The following FNBP1L variants were observed in gnomAD, a reference collection of about 807,000 sequenced individuals.
FNBP1L encodes the protein formin-binding protein 1-like.
FNBP1L carries 36 observed loss-of-function variants against 91.2 expected under a neutral mutation model. The ratio of observed to expected loss-of-function variants is 0.39; its 90% CI spans 0.30 to 0.52. The LOEUF is 0.52. FNBP1L is among the 20% of genes least tolerant of loss of function. FNBP1L has a pLI of 0.66. For missense variants in FNBP1L, 571 were observed against 732.1 expected (o/e 0.78, Z 2.54); for synonymous variants, 242 against 237.0 (o/e 1.02, Z -0.19).
intron 12 of FNBP1L, among the ~76,000 whole-genome samples, chr1:93,545,657 G>A (rs1003205834): frequency 6.6e-6 from 1 of 152,076 alleles, no homozygotes; most frequent in Non-Finnish European, 1.5e-5. Flanking sequence ...AAAACTGTAT[G>A]AAGAGTAAAT....
intron 1 of FNBP1L, among the ~76,000 whole-genome samples, chr1:93,493,153 A>G (rs1670152481): frequency 6.6e-6 from 1 of 152,144 alleles, no homozygotes; most frequent in Non-Finnish European, 1.5e-5. Context: ...AGTCCCAGCT[A>G]CTTGAGAAGC....
chr1:93,484,532 C>T (rs1286733654), intron 1 of FNBP1L, among the ~76,000 whole-genome samples: 1 of 152,026 alleles, frequency 6.6e-6, no homozygotes, highest in African/African-American at 2.4e-5. Flanking sequence ...TTCTTGAATC[C>T]CCTGTTCGCT....
intron 1 of FNBP1L, among the ~76,000 whole-genome samples, chr1:93,459,975 GTGTT>G (rs367576159): frequency 0.08 from 12,082 of 150,734 alleles, 677 homozygotes; most frequent in South Asian, 0.19. Flanking sequence ...GTGTGTGTGT[GTGTT>G]TTTGGGATAT....
chr1:93,509,950 C>T lies in FNBP1L; in HGVS notation c.140+10367C>T, dbSNP rs556303293. ...AGGAGATTATATCCCGCACATGGCT[C>T]GGAGGGTCCTACGCCCACGGAGTCT... On this transcript the variant is annotated intron_variant, in intron 2 of 16. Coordinates refer to ENST00000271234, the MANE Select transcript of FNBP1L (RefSeq NM_001164473.3). Among the ~76,000 whole-genome samples, 121 of 152,320 alleles carry T rather than the reference C, an allele frequency of 7.9e-4. 1 individual carries two copies. The highest frequency in any genetic ancestry group is 2.2e-3 in the African/African-American group (92 of 41,568).
At chr1:93,512,627 A>G (rs1381243744) in intron 2 of FNBP1L, among the ~76,000 whole-genome samples, 7 of 149,714 alleles carry the variant, frequency 4.7e-5, no homozygotes, top group Admixed American at 6.6e-5. Flanking sequence ...CTCACTCAAA[A>G]CCGCTCAACT....
chr1:93,486,583 G>A (rs1373841700), intron 1 of FNBP1L, among the ~76,000 whole-genome samples: 1 of 152,116 alleles, frequency 6.6e-6, no homozygotes, highest in Admixed American at 6.5e-5. Flanking sequence ...CTCAGAGCAG[G>A]TAACTGATAA....
In FNBP1L at chr1:93,552,585, G is replaced by GT. The variant is rs559742794; in HGVS notation, c.*174dup. On this transcript the variant is annotated 3_prime_UTR_variant, in exon 17 of 17. Transcript: ENST00000271234. The stretch of plus-strand genomic sequence containing the variant: ...AACTTCATTAGCATTTCCATACATT[G>GT]TTTTTAAAAATCATAATACCAACCC... The GT allele has an allele frequency of 1.3e-4, 76 of 583,914 alleles. No homozygotes were observed. The African/African-American group carries it at 1.3e-3, about 10-fold the overall frequency. The allele number at this position is 583,914 out of a possible 1,614,324, so 36.2% of individuals were successfully genotyped here. A position where few individuals can be genotyped will look rare whatever the true frequency, so the allele number is the denominator to read the frequency against.
intron 10 of FNBP1L, among the ~76,000 whole-genome samples, chr1:93,539,991 T>C (rs1248055221): frequency 3.9e-5 from 6 of 152,076 alleles, no homozygotes; most frequent in African/African-American, 1.4e-4. Context: ...AAGTAAAAAT[T>C]TTACAGGCAG....
intron 1 of FNBP1L, among the ~76,000 whole-genome samples, chr1:93,493,621 T>G (rs1384072274): frequency 6.6e-6 from 1 of 152,186 alleles, no homozygotes; most frequent in African/African-American, 2.4e-5. Flanking sequence ...CATACAGTAT[T>G]TGTCCTTTTC....
At chr1:93,502,151 G>A (rs973705841) in intron 2 of FNBP1L, among the ~76,000 whole-genome samples, 2 of 152,128 alleles carry the variant, frequency 1.3e-5, no homozygotes, top group African/African-American at 4.8e-5. Flanking sequence ...TGTATATACA[G>A]TTACATATAA....
At chr1:93,521,994 T>C (rs1570841429) in intron 2 of FNBP1L, 88 bp from the exon 3 acceptor site, 4 of 699,922 alleles carry the variant, frequency 5.7e-6, no homozygotes, top group Non-Finnish European at 8.7e-6. Context: ...ATAAAATTCA[T>C]GATTGAATGA....
At chr1:93,521,410 G>A (rs1671323124) in intron 2 of FNBP1L, among the ~76,000 whole-genome samples, 1 of 152,032 alleles carries the variant, frequency 6.6e-6, no homozygotes, top group South Asian at 2.1e-4. Flanking sequence ...AAAAAAAAGC[G>A]ATGGTATTTC....
chr1:93,542,097 G>C (rs572727437), intron 11 of FNBP1L, among the ~76,000 whole-genome samples: 3 of 151,864 alleles, frequency 2.0e-5, no homozygotes, highest in East Asian at 1.9e-4. Flanking sequence ...TCTAAATTAA[G>C]AAGTTTATTT....
intron 8 of FNBP1L, among the ~76,000 whole-genome samples, chr1:93,533,376 T>C (rs1671747928): frequency 6.6e-6 from 1 of 152,194 alleles, no homozygotes; most frequent in South Asian, 2.1e-4. Context: ...TATATTAGTT[T>C]AGTGAAAATT....
intron 8 of FNBP1L, among the ~76,000 whole-genome samples, chr1:93,534,318 T>G (rs1189680540): frequency 6.6e-6 from 1 of 152,168 alleles, no homozygotes; most frequent in Non-Finnish European, 1.5e-5. Flanking sequence ...GACATCTATC[T>G]TTTAAAGCAA....
intron 1 of FNBP1L, among the ~76,000 whole-genome samples, chr1:93,499,109 C>G (rs1365690724): frequency 6.6e-6 from 1 of 152,046 alleles, no homozygotes; most frequent in Non-Finnish European, 1.5e-5. Context: ...GCTTGGGGAC[C>G]TGGAGAAAGT....
intron 1 of FNBP1L, among the ~76,000 whole-genome samples, chr1:93,464,130 G>A (rs1188283172): frequency 6.6e-6 from 1 of 152,128 alleles, no homozygotes; most frequent in Non-Finnish European, 1.5e-5. Context: ...TGCACTTTTG[G>A]TAGGAATGTA....
At chr1:93,481,442 G>C (rs1669699521) in intron 1 of FNBP1L, among the ~76,000 whole-genome samples, 1 of 152,150 alleles carries the variant, frequency 6.6e-6, no homozygotes, top group South Asian at 2.1e-4. Flanking sequence ...ATTGATGTCT[G>C]ACATGTTTAA....
chr1:93,480,554 G>A (rs1382554714), intron 1 of FNBP1L, among the ~76,000 whole-genome samples: 1 of 151,878 alleles, frequency 6.6e-6, no homozygotes, highest in African/African-American at 2.4e-5. Context: ...GACTCTAGGG[G>A]TCCTGTAAGT....
Sources: gnomAD v4.1 joint callset for allele counts (sites outside exome capture counted in the v4.1 genomes callset) on GRCh38, gnomAD v4.1.1 for gene constraint, MANE v1.5 for transcripts, NCBI Gene and HGNC (gene_info 2026-07-23, HGNC 2026-07-21) for gene names.